SLC9A9: variants seen among roughly 807,000 people sequenced by gnomAD.
SLC9A9 encodes solute carrier family 9 member A9.
A neutral mutation model predicts 77.8 loss-of-function variants in SLC9A9; 62 were observed. The observed-to-expected ratio is 0.80, with a 90% CI of 0.65 to 0.98. SLC9A9 has a LOEUF of 0.98. Ranked by LOEUF, SLC9A9 falls within the 50% of genes least tolerant of loss-of-function variation. SLC9A9 has a pLI of 0.00. For missense variants in SLC9A9, 775 were observed against 774.9 expected, an observed-to-expected ratio of 1.00 and a Z score of 0.00; for synonymous variants, 320 against 283.5, an observed-to-expected ratio of 1.13 and a Z score of -1.29.
chr3:143,526,572 T>C (rs987711470), intron 9 of SLC9A9, among the ~76,000 whole-genome samples: 3 of 152,160 alleles, frequency 2.0e-5, no homozygotes, highest in Admixed American at 1.3e-4. Flanking sequence ...GCCATCATCC[T>C]TCACAGTGCT....
chr3:143,698,677 A>C (rs953906350), intron 4 of SLC9A9, among the ~76,000 whole-genome samples: 7 of 152,188 alleles, frequency 4.6e-5, no homozygotes, highest in Admixed American at 2.0e-4. Flanking sequence ...GTATTCTTTA[A>C]AAAGGAATCC....
In SLC9A9 at chr3:143,451,025, A is replaced by T. The variant is rs542645883; in HGVS notation, c.1469+16012T>A. Among the ~76,000 whole-genome samples the T allele has an allele frequency of 2.0e-5, 3 of 152,288 alleles. No individual in the cohort carries two copies. The South Asian group carries it at 6.2e-4, about 32-fold the overall frequency. On this transcript the variant is annotated intron_variant, in intron 12 of 15. Coordinates refer to ENST00000316549, the MANE Select transcript of SLC9A9 (RefSeq NM_173653.4). ...ATGTTCAAATTGCATCCTATAGGTA[A>T]TCAAAGAAAAGCAGACAGACAGTGC... is the stretch of plus-strand genomic sequence containing the variant.
rs115472706 is a variant in SLC9A9, at chr3:143,594,846, T to C, written c.756-16123A>G. ...AAAAGGATTCGCTTCCCTCCAGACT[T>C]TCCCCTATGCACAACAAAATGTTTA... is the stretch of plus-strand genomic sequence containing the variant. On this transcript the variant is annotated intron_variant, in intron 6 of 15. Transcript: ENST00000316549. Among the ~76,000 whole-genome samples, 946 of 152,330 alleles carry C rather than the reference T, an allele frequency of 6.2e-3. 12 individuals are homozygous for C. The highest frequency in any genetic ancestry group is 0.022 in the African/African-American group (899 of 41,570).
chr3:143,747,051 G>C (rs1180343316), intron 4 of SLC9A9, among the ~76,000 whole-genome samples: 2 of 151,938 alleles, frequency 1.3e-5, no homozygotes, highest in African/African-American at 4.8e-5. Flanking sequence ...CTGAACAATG[G>C]GCCCACAAAG....
intron 4 of SLC9A9, among the ~76,000 whole-genome samples, chr3:143,735,502 G>A (rs774710815): frequency 9.9e-5 from 15 of 152,172 alleles, no homozygotes; most frequent in Non-Finnish European, 1.8e-4. Context: ...CCAGGGCAAC[G>A]AGTCCTGTGA....
chr3:143,305,184 T>C (rs1402816978), intron 14 of SLC9A9, among the ~76,000 whole-genome samples: 1 of 151,958 alleles, frequency 6.6e-6, no homozygotes, highest in African/African-American at 2.4e-5. Context: ...AAAGGGAGGG[T>C]TGAGGGCAAC....
intron 9 of SLC9A9, among the ~76,000 whole-genome samples, chr3:143,522,773 C>T (rs1270689570): frequency 1.3e-5 from 2 of 152,106 alleles, no homozygotes; most frequent in African/African-American, 4.8e-5. Flanking sequence ...AACCTTGCCA[C>T]CTCATGCCGT....
At chr3:143,679,534 C>T (rs1335545710) in intron 5 of SLC9A9, among the ~76,000 whole-genome samples, 1 of 152,188 alleles carries the variant, frequency 6.6e-6, no homozygotes, top group East Asian at 1.9e-4. Context: ...GCATCCCTGC[C>T]CTCTACCCGT....
chr3:143,345,809 G>C (rs1458771765), intron 14 of SLC9A9, among the ~76,000 whole-genome samples: 1 of 152,114 alleles, frequency 6.6e-6, no homozygotes, highest in African/African-American at 2.4e-5. Context: ...AAAGATGATG[G>C]AATCCAGACT....
At chr3:143,476,206 T>C (rs1324547044) in intron 11 of SLC9A9, among the ~76,000 whole-genome samples, 4 of 152,168 alleles carry the variant, frequency 2.6e-5, no homozygotes, top group Non-Finnish European at 5.9e-5. Flanking sequence ...TTCAACATCA[T>C]TTTATCACAT....
intron 5 of SLC9A9, among the ~76,000 whole-genome samples, chr3:143,657,334 A>G (rs1441226802): frequency 1.3e-5 from 2 of 152,168 alleles, no homozygotes; most frequent in Non-Finnish European, 2.9e-5. Context: ...TTAACCATCA[A>G]TATGCTATAT....
intron 4 of SLC9A9, among the ~76,000 whole-genome samples, chr3:143,716,690 G>T (rs970102443): frequency 1.3e-5 from 2 of 152,108 alleles, no homozygotes; most frequent in Non-Finnish European, 2.9e-5. Context: ...GAGGGACAAA[G>T]TATTGACACA....
chr3:143,301,966 AAG>A (rs1435158441), intron 14 of SLC9A9, among the ~76,000 whole-genome samples: 2 of 152,200 alleles, frequency 1.3e-5, no homozygotes, highest in Non-Finnish European at 2.9e-5. Flanking sequence ...GTGGAAATAA[AAG>A]AGGTTCAGAA....
intron 1 of SLC9A9, among the ~76,000 whole-genome samples, chr3:143,840,293 C>G (rs1288978260): frequency 1.3e-5 from 2 of 152,164 alleles, no homozygotes; most frequent in East Asian, 3.9e-4. Context: ...AAACCCATAC[C>G]ATCTTGGGCT....
intron 2 of SLC9A9, among the ~76,000 whole-genome samples, chr3:143,819,359 G>A (rs974745924): frequency 2.6e-5 from 4 of 152,176 alleles, no homozygotes; most frequent in African/African-American, 9.7e-5. Flanking sequence ...TATGACTCCA[G>A]GCAAAATTAA....
intron 12 of SLC9A9, among the ~76,000 whole-genome samples, chr3:143,395,085 T>C (rs914458631): frequency 1.6e-4 from 25 of 152,286 alleles, no homozygotes; most frequent in Admixed American, 6.5e-4. Context: ...CTTCACAGAA[T>C]TGGAAAAAAC....
intron 6 of SLC9A9, among the ~76,000 whole-genome samples, chr3:143,616,039 C>G (rs2038099444): frequency 6.6e-6 from 1 of 152,006 alleles, no homozygotes; most frequent in African/African-American, 2.4e-5. Flanking sequence ...CACCACCACG[C>G]CCAGCTAATT....
At chr3:143,632,309 G>A (rs927048344) in intron 6 of SLC9A9, among the ~76,000 whole-genome samples, 1 of 152,186 alleles carries the variant, frequency 6.6e-6, no homozygotes, top group Non-Finnish European at 1.5e-5. Context: ...AAGGTGGAAA[G>A]GAGAGTGGCC....
At chr3:143,319,012 C>T (rs982571723) in intron 14 of SLC9A9, among the ~76,000 whole-genome samples, 1 of 152,128 alleles carries the variant, frequency 6.6e-6, no homozygotes, top group Non-Finnish European at 1.5e-5. Context: ...ATAACTTTGA[C>T]TTATAATAAA....
Sources: allele counts gnomAD v4.1 joint callset (sites outside exome capture counted in the v4.1 genomes callset), GRCh38; gene constraint gnomAD v4.1.1; transcripts MANE v1.5; gene names NCBI Gene and HGNC (gene_info 2026-07-23, HGNC 2026-07-21).